MKLN1: variants seen among roughly 807,000 people sequenced by gnomAD.
MKLN1 encodes muskelin.
MKLN1 carries 18 observed loss-of-function variants against 99.0 expected under a neutral mutation model. The observed-to-expected ratio is 0.18, with a 90% CI of 0.13 to 0.27. MKLN1 has a LOEUF of 0.27. Among genes scored for constraint, MKLN1 ranks in the 10% least tolerant of loss-of-function variants. MKLN1 has a pLI of 1.00. For missense variants in MKLN1, 621 were observed against 875.9 expected (o/e 0.71, Z 3.67); for synonymous variants, 288 against 293.2 (o/e 0.98, Z 0.18).
At chr7:131,326,223 C>T (rs1050578011), upstream of MKLN1, among the ~76,000 whole-genome samples, 6 of 152,206 alleles carry the variant, frequency 3.9e-5, no homozygotes, top group African/African-American at 1.4e-4. Flanking sequence ...TTCTCTGGCC[C>T]TTTCCCACTG....
chr7:131,173,440 C>T (rs569435089), intron 2 of MKLN1, among the ~76,000 whole-genome samples: 119 of 152,238 alleles, frequency 7.8e-4, no homozygotes, highest in Non-Finnish European at 1.5e-3. Flanking sequence ...TAGTCTTGGC[C>T]GGGCGTGGTG....
intron 3 of MKLN1, among the ~76,000 whole-genome samples, chr7:131,241,688 A>G (rs987358888): frequency 6.6e-6 from 1 of 152,248 alleles, no homozygotes; most frequent in Non-Finnish European, 1.5e-5. Flanking sequence ...ACTCCTTAGC[A>G]CTGTCACAAC....
At position 131,434,304 on chromosome 7, in the gene MKLN1, A is replaced by G. The variant is rs183205014; in HGVS notation, c.961-3481A>G. Among the ~76,000 whole-genome samples, 497 of 152,326 alleles carry G rather than the reference A, an allele frequency of 3.3e-3. 2 individuals carry two copies. The highest frequency in any genetic ancestry group is 9.9e-3 in the African/African-American group (411 of 41,576). On this transcript the variant is annotated intron_variant, in intron 9 of 17. Transcript: ENST00000352689. ...TAAGAGTTTTCAGTTTAAGAGGTCT[A>G]TGATATTTTCGTTAACTTGATATCA...
At chr7:131,201,258 A>G (rs2398762) in intron 2 of MKLN1, among the ~76,000 whole-genome samples, 58,478 of 151,986 alleles carry the variant, frequency 0.38, 11,814 homozygotes, top group South Asian at 0.59. Context: ...GACCTCAGGT[A>G]ATCCACCTGC....
intron 10 of MKLN1, among the ~76,000 whole-genome samples, chr7:131,439,462 G>T (rs983508362): frequency 2.7e-4 from 41 of 152,094 alleles, no homozygotes; most frequent in African/African-American, 9.9e-4. Flanking sequence ...AACACTGGGG[G>T]TGAAGAAACA....
chr7:131,302,527 A>C (rs1006534652), intron 3 of MKLN1, among the ~76,000 whole-genome samples: 2 of 152,182 alleles, frequency 1.3e-5, no homozygotes, highest in Non-Finnish European at 2.9e-5. Context: ...ATCAGTGTTA[A>C]TTGCTTTTCT....
intron 8 of MKLN1, among the ~76,000 whole-genome samples, chr7:131,415,966 C>G (rs954583077): frequency 1.3e-5 from 2 of 151,998 alleles, no homozygotes; most frequent in African/African-American, 4.8e-5. Flanking sequence ...CCTGCCCAAC[C>G]TTTTTTTAAA....
At chr7:131,192,059 T>TATATATATTATATATATAC (rs1268844979) in intron 2 of MKLN1, among the ~76,000 whole-genome samples, 1 of 114,996 alleles carries the variant, frequency 8.7e-6, no homozygotes, top group Non-Finnish European at 1.7e-5. Context: ...TATACATGTA[T>TATATATATTATATATATAC]ATATATATTA....
At chr7:131,142,115 A>G (rs1795742578) in intron 1 of MKLN1, among the ~76,000 whole-genome samples, 1 of 151,850 alleles carries the variant, frequency 6.6e-6, no homozygotes, top group Non-Finnish European at 1.5e-5. Context: ...TCTCTACAAA[A>G]ACAAAAAAAA....
intron 3 of MKLN1, among the ~76,000 whole-genome samples, chr7:131,203,702 C>T (rs757941570): frequency 6.6e-6 from 1 of 152,138 alleles, no homozygotes; most frequent in Admixed American, 6.5e-5. Context: ...TAGGTCCTTC[C>T]TTCTGTGAAT....
rs528461823 is a variant in MKLN1 at position 131,443,994 on chromosome 7, T to G, written c.1395+292T>G. ...CTTATGCCTTTCCACTTACGTCTCT[T>G]AGTAATTAGAAGGACAATTTCTTAC... On this transcript the variant is annotated intron_variant, in intron 11 of 17. Coordinates refer to ENST00000352689, the MANE Select transcript of MKLN1 (RefSeq NM_013255.5). Among the ~76,000 whole-genome samples the G allele has an allele frequency of 4.0e-3, 602 of 152,270 alleles. 7 individuals carry two copies. Among genetic ancestry groups the G allele is most frequent in the Non-Finnish European group, 4.0e-3 (272 of 68,012 alleles).
intron 9 of MKLN1, among the ~76,000 whole-genome samples, chr7:131,431,069 G>T (rs1395504433): frequency 6.6e-6 from 1 of 151,908 alleles, no homozygotes; most frequent in East Asian, 1.9e-4. Flanking sequence ...ACTAAAAATA[G>T]AAACTAGCTG....
chr7:131,207,054 G>A (rs746349013), intron 3 of MKLN1, among the ~76,000 whole-genome samples: 24 of 152,098 alleles, frequency 1.6e-4, no homozygotes, highest in Non-Finnish European at 2.9e-4. Context: ...AAGGGACAGA[G>A]GCTAAGGTTT....
chr7:131,240,183 A>G (rs1191431588), intron 3 of MKLN1, among the ~76,000 whole-genome samples: 2 of 152,160 alleles, frequency 1.3e-5, no homozygotes, highest in African/African-American at 4.8e-5. Flanking sequence ...CCTGTCACAA[A>G]CAAACAAACA....
intron 14 of MKLN1, among the ~76,000 whole-genome samples, 197 bp from the exon 15 acceptor site, chr7:131,466,079 G>GT (rs1331291796): frequency 6.6e-6 from 1 of 152,156 alleles, no homozygotes; most frequent in South Asian, 2.1e-4. Context: ...CATATGTGCA[G>GT]TTTTTTAAAG....
intron 2 of MKLN1, among the ~76,000 whole-genome samples, chr7:131,179,238 A>G (rs1012583091): frequency 1.3e-5 from 2 of 152,212 alleles, no homozygotes; most frequent in Non-Finnish European, 2.9e-5. Flanking sequence ...CTTCAACATC[A>G]CACATAGACT....
intron 1 of MKLN1, among the ~76,000 whole-genome samples, chr7:131,341,168 A>ATT (rs995288548): frequency 6.9e-6 from 1 of 145,668 alleles, no homozygotes; most frequent in African/African-American, 2.5e-5. Context: ...TTGTTGGTTG[A>ATT]TTTTTTTTTT....
intron 2 of MKLN1, among the ~76,000 whole-genome samples, chr7:131,161,411 C>A (rs1796046125): frequency 6.6e-6 from 1 of 152,158 alleles, no homozygotes; most frequent in South Asian, 2.1e-4. Context: ...TATCCCTAAT[C>A]TAAAAATTCA....
At chr7:131,470,031 G>A (rs968179257) in intron 15 of MKLN1, among the ~76,000 whole-genome samples, 4 of 151,858 alleles carry the variant, frequency 2.6e-5, no homozygotes, top group Non-Finnish European at 5.9e-5. Flanking sequence ...ATGTGCCACC[G>A]CACCTGGCTA....
Sources: gnomAD v4.1 joint callset for allele counts (sites outside exome capture counted in the v4.1 genomes callset) on GRCh38, gnomAD v4.1.1 for gene constraint, MANE v1.5 for transcripts, NCBI Gene and HGNC (gene_info 2026-07-23, HGNC 2026-07-21) for gene names.